The following NLGN1 variants were observed in gnomAD, a reference collection of about 807,000 sequenced individuals.
NLGN1 encodes neuroligin 1.
NLGN1 carries 12 observed loss-of-function variants against 65.5 expected under a neutral mutation model. The ratio of observed to expected loss-of-function variants is 0.18; its 90% CI spans 0.12 to 0.30. The LOEUF (loss-of-function observed/expected upper bound fraction) is 0.30, where lower values mean the gene tolerates loss of function less well. Among genes scored for constraint, NLGN1 ranks in the 10% least tolerant of loss-of-function variants. The pLI is 1.00. For synonymous variants in NLGN1, 350 were observed against 359.5 expected, an observed-to-expected ratio of 0.97 and a Z score of 0.30; for missense variants, 750 against 1,007.1, an observed-to-expected ratio of 0.74 and a Z score of 3.46.
intron 4 of NLGN1, among the ~76,000 whole-genome samples, chr3:174,078,603 T>C (rs1025917502): frequency 6.6e-6 from 1 of 152,216 alleles, no homozygotes; most frequent in African/African-American, 2.4e-5. Flanking sequence ...GACCAAAATG[T>C]AAATCCTAAA....
intron 2 of NLGN1, among the ~76,000 whole-genome samples, chr3:173,537,739 C>T (rs62292665): frequency 0.012 from 1,854 of 152,182 alleles, 10 homozygotes; most frequent in Non-Finnish European, 0.021. Flanking sequence ...ATTTGTAGTG[C>T]TGCTTGGATT....
Position 174,280,756 on chromosome 3 carries a change from A to G in NLGN1, c.1925A>G (p.Asn642Ser). Residue 642 changes from asparagine to serine, a missense_variant, in exon 7 of 7, where the codon AAT becomes AGT. Physicochemically the swap from Asn to Ser is conservative, Grantham distance 46. Transcript: ENST00000457714. This position sits in a 1 kb window ranked among gnomAD's most constrained non-coding sequence, Gnocchi z 4.9. ...ATCACTTTCAGACCTACGAGAAAAA[A>G]TTCTGTACCTGTCACGTCAGCCTTT... 6.2e-7 allele frequency: 1 copy of G among 1,613,364 alleles called. No homozygotes were observed. The highest frequency in any genetic ancestry group is 8.5e-7 in the Non-Finnish European group (1 of 1,179,550).
intron 4 of NLGN1, among the ~76,000 whole-genome samples, chr3:174,012,646 A>T (rs1204684020): frequency 6.6e-6 from 1 of 152,186 alleles, no homozygotes; most frequent in Non-Finnish European, 1.5e-5. Flanking sequence ...AGCTACTTGA[A>T]GATTTGCATT....
chr3:174,196,631 T>C (rs73038820), intron 4 of NLGN1, among the ~76,000 whole-genome samples: 1 of 152,294 alleles, frequency 6.6e-6, no homozygotes, highest in African/African-American at 2.4e-5. Context: ...TTCTGTAACA[T>C]TTTCAGCGAT....
chr3:174,236,212 T>C (rs1741676309), intron 4 of NLGN1, among the ~76,000 whole-genome samples: 1 of 152,136 alleles, frequency 6.6e-6, no homozygotes, highest in African/African-American at 2.4e-5. Context: ...GTGTTCTCTA[T>C]AGGATACATG....
At chr3:174,289,487 T>C (rs1039574760), downstream of NLGN1, among the ~76,000 whole-genome samples, 11 of 151,266 alleles carry the variant, frequency 7.3e-5, no homozygotes, top group African/African-American at 2.7e-4. Context: ...TTTTTTCCCA[T>C]GTAAAACATT....
At chr3:173,502,663 T>C (rs1731343543) in intron 2 of NLGN1, among the ~76,000 whole-genome samples, 1 of 152,152 alleles carries the variant, frequency 6.6e-6, no homozygotes, top group Admixed American at 6.6e-5. Context: ...AATTAGGTAC[T>C]ACAAGACATG....
intron 4 of NLGN1, among the ~76,000 whole-genome samples, chr3:174,021,201 G>A (rs532896741): frequency 6.6e-6 from 1 of 152,006 alleles, no homozygotes; most frequent in South Asian, 2.1e-4. Flanking sequence ...TAGTGCTCCA[G>A]CCAGCTAAAT....
chr3:173,624,434 T>C (rs912932638), intron 3 of NLGN1, among the ~76,000 whole-genome samples: 1 of 152,124 alleles, frequency 6.6e-6, no homozygotes, highest in African/African-American at 2.4e-5. Context: ...TTTAATGTTT[T>C]CTTCTCATGC....
At chr3:174,137,559 A>C (rs1006992088) in intron 4 of NLGN1, among the ~76,000 whole-genome samples, 1 of 152,156 alleles carries the variant, frequency 6.6e-6, no homozygotes, top group African/African-American at 2.4e-5. Context: ...AATCTCAAAT[A>C]AGGTCATGGT....
intron 4 of NLGN1, among the ~76,000 whole-genome samples, chr3:174,062,917 GAT>G (rs1378039614): frequency 2.0e-5 from 3 of 151,900 alleles, no homozygotes; most frequent in Non-Finnish European, 2.9e-5. Context: ...CACTGTATTA[GAT>G]ACTGATCATA....
intron 3 of NLGN1, among the ~76,000 whole-genome samples, chr3:173,751,217 C>T (rs1776258840): frequency 6.6e-6 from 1 of 152,026 alleles, no homozygotes. Context: ...CATAGATACA[C>T]TATTTGCTTT....
intron 4 of NLGN1, among the ~76,000 whole-genome samples, chr3:174,221,238 G>T (rs1462410675): frequency 5.3e-5 from 8 of 152,104 alleles, no homozygotes; most frequent in African/African-American, 1.9e-4. Context: ...TGAAAGGTAA[G>T]TACCATTCTA....
chr3:174,164,021 A>G (rs1439287836), intron 4 of NLGN1, among the ~76,000 whole-genome samples: 1 of 152,078 alleles, frequency 6.6e-6, no homozygotes, highest in African/African-American at 2.4e-5. Flanking sequence ...TGCTTTTCAC[A>G]GTAGCTGAAC....
rs754489215 is a variant in NLGN1 at position 173,649,625 on chromosome 3, T to G, written c.493+44534T>G. On this transcript the variant is annotated intron_variant, in intron 3 of 6. Transcript: ENST00000457714. The stretch of plus-strand genomic sequence containing the variant: ...TCTCACCGTGAAAACTAGTTCCTAA[T>G]AAAGTTAAAATAGGTACTTATCGTT... 2.0e-5 allele frequency among the ~76,000 whole-genome samples: 3 copies of G among 152,214 alleles called. No homozygotes were observed. The South Asian group carries it at 6.2e-4, about 32-fold the overall frequency.
At chr3:173,732,481 T>A (rs966141445) in intron 3 of NLGN1, among the ~76,000 whole-genome samples, 1 of 152,154 alleles carries the variant, frequency 6.6e-6, no homozygotes, top group African/African-American at 2.4e-5. Flanking sequence ...CTGCTTTTAA[T>A]ACATTAGAAA....
intron 2 of NLGN1, among the ~76,000 whole-genome samples, chr3:173,460,676 CT>C (rs1723234101): frequency 6.6e-6 from 1 of 152,146 alleles, no homozygotes; most frequent in African/African-American, 2.4e-5. Flanking sequence ...GTTAGATACA[CT>C]CTATATTCCA....
chr3:173,748,602 G>T (rs1303733172), intron 3 of NLGN1, among the ~76,000 whole-genome samples: 2 of 152,136 alleles, frequency 1.3e-5, no homozygotes, highest in Non-Finnish European at 2.9e-5. Context: ...TAATTTACAT[G>T]TTATCACAAC....
At chr3:174,269,117 C>A (rs1421733565) in intron 4 of NLGN1, among the ~76,000 whole-genome samples, 1 of 151,724 alleles carries the variant, frequency 6.6e-6, no homozygotes, top group African/African-American at 2.4e-5. Context: ...TGTGTGTGTG[C>A]TTTACCCTCA....
Sources: gnomAD v4.1 joint callset for allele counts (sites outside exome capture counted in the v4.1 genomes callset) on GRCh38, gnomAD v4.1.1 for gene constraint, Gnocchi (gnomAD v3.1) non-coding constraint, MANE v1.5 for transcripts, NCBI Gene and HGNC (gene_info 2026-07-23, HGNC 2026-07-21) for gene names.